Variants in ADARB2 observed in about 807,000 individuals in gnomAD.
ADARB2 encodes the protein inactive double-stranded RNA-specific editase B2.
Under a neutral mutation model 62.2 loss-of-function variants are expected in ADARB2, and 25 were observed. The ratio of observed to expected loss-of-function variants is 0.40; its 90% CI spans 0.29 to 0.56. ADARB2 has a LOEUF of 0.56. Ranked by LOEUF, ADARB2 falls within the 20% of genes least tolerant of loss-of-function variation. The pLI, the probability that ADARB2 is intolerant of heterozygous loss-of-function variation, is 0.43. For missense variants in ADARB2, 1,071 were observed against 1,077.4 expected, an observed-to-expected ratio of 0.99 and a Z score of 0.08; for synonymous variants, 572 against 500.8, an observed-to-expected ratio of 1.14 and a Z score of -1.90.
intron 3 of ADARB2, among the ~76,000 whole-genome samples, chr10:1,273,776 C>G (rs987292591): frequency 1.3e-5 from 2 of 152,212 alleles, no homozygotes; most frequent in Non-Finnish European, 2.9e-5. Flanking sequence ...GCAGCCCCAC[C>G]ACAGGCTCCT....
intron 1 of ADARB2, among the ~76,000 whole-genome samples, chr10:1,660,647 A>G (rs1834234801): frequency 6.6e-6 from 1 of 152,050 alleles, no homozygotes; most frequent in South Asian, 2.1e-4. Flanking sequence ...TCCTGTTGGG[A>G]CCCCGTGTAT....
chr10:1,354,392 C>T (rs1832173911), intron 3 of ADARB2, among the ~76,000 whole-genome samples: 2 of 151,958 alleles, frequency 1.3e-5, no homozygotes, highest in African/African-American at 2.4e-5. Flanking sequence ...CCCACCCCTG[C>T]CCACCAGAGA....
At chr10:1,527,819 G>A (rs1039660495) in intron 1 of ADARB2, among the ~76,000 whole-genome samples, 1 of 152,162 alleles carries the variant, frequency 6.6e-6, no homozygotes, top group Non-Finnish European at 1.5e-5. Flanking sequence ...TCAGATGGAC[G>A]ACAGGGGAGA....
chr10:1,519,327 C>G (rs1313081533), intron 1 of ADARB2, among the ~76,000 whole-genome samples: 1 of 152,162 alleles, frequency 6.6e-6, no homozygotes, highest in Non-Finnish European at 1.5e-5. Flanking sequence ...TGCATGTATT[C>G]CGTGTAACAT....
rs543378726 is a variant in ADARB2 at position 1,511,283 on chromosome 10, T to A, written c.101-132123A>T. On this transcript the variant is annotated intron_variant, in intron 1 of 9. Transcript: ENST00000381312. Reference sequence around the variant, plus strand: ...GGATAGATTATGTATCAGAATGCCTTTTTTGTTAAAGCAATACATATTTAT... The same window carrying A: ...GGATAGATTATGTATCAGAATGCCTATTTTGTTAAAGCAATACATATTTAT... Among the ~76,000 whole-genome samples the A allele has an allele frequency of 2.0e-5, 3 of 152,346 alleles. No individual in the cohort carries two copies. The South Asian group carries it at 6.2e-4, about 32-fold the overall frequency.
chr10:1,643,742 G>GT (rs750386889), intron 1 of ADARB2, among the ~76,000 whole-genome samples: 7 of 152,210 alleles, frequency 4.6e-5, no homozygotes, highest in Non-Finnish European at 5.9e-5. Flanking sequence ...CCAAAATCAA[G>GT]TTTTTTTCTT....
intron 9 of ADARB2, among the ~76,000 whole-genome samples, chr10:1,184,419 T>TGC (rs1403305837): frequency 7.9e-5 from 12 of 152,184 alleles, no homozygotes; most frequent in African/African-American, 2.9e-4. Context: ...ATGCTTGGGC[T>TGC]TTGGGGTTGG....
intron 1 of ADARB2, among the ~76,000 whole-genome samples, chr10:1,482,797 C>T (rs1012905560): frequency 2.0e-5 from 3 of 151,824 alleles, no homozygotes; most frequent in Non-Finnish European, 2.9e-5. Flanking sequence ...TGTGGACACT[C>T]GTGCAGGACC....
rs1834077816 is a variant in ADARB2 at position 1,648,946 on chromosome 10, G to A, written c.100+88105C>T. Among the ~76,000 whole-genome samples the A allele has an allele frequency of 3.3e-5, 5 of 152,196 alleles. 1 individual carries two copies. The highest frequency in any genetic ancestry group is 3.3e-4 in the Admixed American group (5 of 15,282). ...TGTCAGCTGCAGGCGAGTAGGTGGA[G>A]CAGGACCTACTCAGCACCAGGCGGG... On this transcript the variant is annotated intron_variant, in intron 1 of 9. Transcript: ENST00000381312.
chr10:1,537,800 C>T (rs560451464), intron 1 of ADARB2, among the ~76,000 whole-genome samples: 6 of 152,092 alleles, frequency 3.9e-5, no homozygotes, highest in East Asian at 1.9e-4. Context: ...CATCACACAC[C>T]GGGACCTGTC....
chr10:1,635,820 T>A (rs1022210124), intron 1 of ADARB2, among the ~76,000 whole-genome samples: 2 of 152,216 alleles, frequency 1.3e-5, no homozygotes, highest in Non-Finnish European at 2.9e-5. Context: ...TCTGGACACC[T>A]CCTCACTCTA....
chr10:1,675,428 T>C (rs1346266809), intron 1 of ADARB2: 8 of 978,948 alleles, frequency 8.2e-6, no homozygotes, highest in Non-Finnish European at 9.7e-6. Flanking sequence ...CCGTGGATGT[T>C]CTGGAGGTTT....
chr10:1,262,623 A>T (rs559440532), intron 4 of ADARB2, among the ~76,000 whole-genome samples: 1 of 152,332 alleles, frequency 6.6e-6, no homozygotes, highest in African/African-American at 2.4e-5. Context: ...TTAAAAAGTC[A>T]GGAAACAACA....
chr10:1,487,487 C>T (rs1245767209), intron 1 of ADARB2, among the ~76,000 whole-genome samples: 1 of 152,142 alleles, frequency 6.6e-6, no homozygotes, highest in Non-Finnish European at 1.5e-5. Context: ...GTGGGCTCAC[C>T]CATGCCCTGC....
Position 1,384,191 on chromosome 10 carries a change from G to A in ADARB2, c.101-5031C>T, listed in dbSNP as rs151318886. On this transcript the variant is annotated intron_variant, in intron 1 of 9. Coordinates refer to ENST00000381312, the MANE Select transcript of ADARB2 (RefSeq NM_018702.4). ...TTGGCTAAAAGCCCCAGGGATAGACGGTGCAGAGGAACATTCCCTCATTGT... is the reference window on the plus strand; with the variant it reads ...TTGGCTAAAAGCCCCAGGGATAGACAGTGCAGAGGAACATTCCCTCATTGT... Among the ~76,000 whole-genome samples, 48 of 152,302 alleles carry A rather than the reference G, an allele frequency of 3.2e-4. No homozygotes were observed. In the East Asian group the frequency reaches 6.8e-3, roughly 21 times the overall value.
intron 1 of ADARB2, among the ~76,000 whole-genome samples, chr10:1,600,732 T>C (rs1423859348): frequency 6.7e-6 from 1 of 149,200 alleles, no homozygotes; most frequent in Non-Finnish European, 1.5e-5. Context: ...TAATAGCTGC[T>C]CCGACTAGAA....
chr10:1,722,590 A>C (rs530766609), intron 1 of ADARB2, among the ~76,000 whole-genome samples: 1 of 152,346 alleles, frequency 6.6e-6, no homozygotes, highest in East Asian at 1.9e-4. Context: ...TTATCGAATG[A>C]ATAATGTGCT....
intron 3 of ADARB2, among the ~76,000 whole-genome samples, chr10:1,346,149 G>A (rs966218161): frequency 7.2e-5 from 11 of 152,148 alleles, no homozygotes; most frequent in African/African-American, 1.4e-4. Flanking sequence ...CAATTCCACC[G>A]TGTGCATTAA....
intron 1 of ADARB2, among the ~76,000 whole-genome samples, chr10:1,603,797 T>C (rs1413569816): frequency 6.6e-6 from 1 of 151,804 alleles, no homozygotes; most frequent in Non-Finnish European, 1.5e-5. Context: ...TACAGTCATA[T>C]ATATTTTATT....
Sources: gnomAD v4.1 joint callset for allele counts (sites outside exome capture counted in the v4.1 genomes callset) on GRCh38, gnomAD v4.1.1 for gene constraint, MANE v1.5 for transcripts, NCBI Gene and HGNC (gene_info 2026-07-23, HGNC 2026-07-21) for gene names.